RASA2: variants seen among roughly 807,000 people sequenced by gnomAD.
RASA2 encodes ras GTPase-activating protein 2.
A neutral mutation model predicts 118.2 loss-of-function variants in RASA2; 155 were observed. The observed-to-expected ratio is 1.31, with a 90% confidence interval of 1.15 to 1.50. The LOEUF (loss-of-function observed/expected upper bound fraction) is 1.50, where lower values mean the gene tolerates loss of function less well. Among genes scored for constraint, RASA2 ranks in the 40% most tolerant of loss-of-function variants. The pLI, the probability that RASA2 is intolerant of heterozygous loss-of-function variation, is 0.00. For missense variants in RASA2, 1,016 were observed against 1,009.6 expected (o/e 1.01, Z -0.09); for synonymous variants, 353 against 349.1 (o/e 1.01, Z -0.12).
At chr3:141,552,168 T>C (rs993337458) in intron 5 of RASA2, among the ~76,000 whole-genome samples, 10 of 152,214 alleles carry the variant, frequency 6.6e-5, no homozygotes, top group Admixed American at 6.5e-4. Flanking sequence ...GGTATTCTTA[T>C]CGTTTCATAA....
At chr3:141,578,475 G>C (rs766851791) in intron 15 of RASA2, 11 of 152,204 alleles carry the variant, frequency 7.2e-5, no homozygotes, top group Non-Finnish European at 1.5e-4. Flanking sequence ...GTTAAACCAG[G>C]TTCTGAATAC....
At chr3:141,595,185 A>C (rs932326811) in intron 19 of RASA2, among the ~76,000 whole-genome samples, 1 of 152,200 alleles carries the variant, frequency 6.6e-6, no homozygotes, top group Non-Finnish European at 1.5e-5. Flanking sequence ...TGAGGAAGGG[A>C]AGAACAGAGG....
chr3:141,511,185 G>A (rs1041391359), intron 1 of RASA2, among the ~76,000 whole-genome samples: 2 of 152,130 alleles, frequency 1.3e-5, no homozygotes, highest in African/African-American at 4.8e-5. Flanking sequence ...GTAGACTGGG[G>A]AAAGGGCACA....
At chr3:141,606,049 G>A (rs1560065879) in intron 19 of RASA2, among the ~76,000 whole-genome samples, 1 of 152,138 alleles carries the variant, frequency 6.6e-6, no homozygotes, top group African/African-American at 2.4e-5. Context: ...AATGGGGAGG[G>A]CCTGATTGAC....
At chr3:141,506,691 T>G (rs2081872187) in intron 1 of RASA2, among the ~76,000 whole-genome samples, 1 of 150,288 alleles carries the variant, frequency 6.7e-6, no homozygotes, top group South Asian at 2.1e-4. Flanking sequence ...GGCAGGCAGA[T>G]CTCTTGAACC....
chr3:141,538,971 A>G (rs1324567791), intron 4 of RASA2, among the ~76,000 whole-genome samples: 1 of 152,208 alleles, frequency 6.6e-6, no homozygotes, highest in Non-Finnish European at 1.5e-5. Context: ...ACATTTCCTG[A>G]GAGACAGTTG....
At chr3:141,561,623 A>G (rs1293146166) in intron 9 of RASA2, among the ~76,000 whole-genome samples, 4 of 152,246 alleles carry the variant, frequency 2.6e-5, no homozygotes, top group Non-Finnish European at 5.9e-5. Flanking sequence ...TTGTAGAGCC[A>G]TAGCATCCCC....
intron 1 of RASA2, among the ~76,000 whole-genome samples, chr3:141,501,137 G>A: frequency 6.6e-6 from 1 of 152,136 alleles, no homozygotes; most frequent in Admixed American, 6.6e-5. Context: ...TAAATTTGGT[G>A]CAGGCCAAAC....
chr3:141,570,987 A>G lies in RASA2; in HGVS notation c.939A>G (p.Ile313Met), dbSNP rs757789272. 4.3e-6 allele frequency: 7 copies of G among 1,612,778 alleles called. No individual in the cohort carries two copies. Among genetic ancestry groups the G allele is most frequent in the East Asian group, 2.2e-5 (1 of 44,758 alleles). Residue 313 changes from isoleucine (I) to methionine (M), a missense_variant, in exon 10 of 24, where the codon ATA (isoleucine) becomes ATG (methionine). Ile to Met is a conservative substitution (Grantham distance 10). This residue lies in a region of RASA2 where 896 missense variants were observed against 836.4 expected (regional missense o/e 1.07). Transcript: ENST00000286364. ...ACCTGGGGTCTCTTCGATTAAATATATGTTATACAGAAGACTACGTGCTTC... is the reference window on the plus strand; with the variant it reads ...ACCTGGGGTCTCTTCGATTAAATATGTGTTATACAGAAGACTACGTGCTTC... ...TDDLGSLRLNICYTEDYVLPS... is the reference protein window; with the variant it reads ...TDDLGSLRLNMCYTEDYVLPS...
At chr3:141,576,448 G>C (rs774618721) in intron 14 of RASA2, among the ~76,000 whole-genome samples, 1 of 152,176 alleles carries the variant, frequency 6.6e-6, no homozygotes, top group East Asian at 1.9e-4. Context: ...AGTCTGAAAC[G>C]AAAGTTGTAG....
intron 4 of RASA2, among the ~76,000 whole-genome samples, chr3:141,537,310 T>A (rs1405067508): frequency 6.6e-6 from 1 of 152,210 alleles, no homozygotes; most frequent in Non-Finnish European, 1.5e-5. Flanking sequence ...TATTTTCTAC[T>A]GACCTGTCTC....
intron 3 of RASA2, 69 bp from the exon 4 acceptor site, chr3:141,529,639 A>C: frequency 9.5e-7 from 1 of 1,047,262 alleles, no homozygotes; most frequent in Admixed American, 2.2e-5. Context: ...TATTATATAA[A>C]ACAGTGCTAA....
At chr3:141,596,085 T>A (rs1342740205) in intron 19 of RASA2, among the ~76,000 whole-genome samples, 1 of 152,210 alleles carries the variant, frequency 6.6e-6, no homozygotes, top group African/African-American at 2.4e-5. Context: ...TCTTTTGAAA[T>A]GTGCATTGGA....
At chr3:141,490,156 T>G (rs2151065442) in intron 1 of RASA2, among the ~76,000 whole-genome samples, 1 of 152,078 alleles carries the variant, frequency 6.6e-6, no homozygotes, top group South Asian at 2.1e-4. Flanking sequence ...AATTGTCTGC[T>G]TCCTTAAACT....
chr3:141,547,651 G>A (rs6776003), intron 5 of RASA2, among the ~76,000 whole-genome samples: 81,519 of 151,946 alleles, frequency 0.54, 24,417 homozygotes, highest in African/African-American at 0.83. Flanking sequence ...GAACAAGGAT[G>A]ATTTTACTTC....
chr3:141,578,302 C>T (rs773305319), intron 15 of RASA2, among the ~76,000 whole-genome samples: 9 of 152,176 alleles, frequency 5.9e-5, no homozygotes, highest in Non-Finnish European at 1.2e-4. Context: ...TGAGCTTAAT[C>T]CTATCCCTTC....
intron 19 of RASA2, among the ~76,000 whole-genome samples, chr3:141,605,636 T>C (rs909424726): frequency 2.0e-5 from 3 of 152,132 alleles, no homozygotes; most frequent in African/African-American, 7.2e-5. Context: ...TGTAAATTAG[T>C]ACCCAAAGAC....
intron 1 of RASA2, among the ~76,000 whole-genome samples, chr3:141,496,124 G>A (rs949775786): frequency 4.6e-5 from 7 of 152,204 alleles, no homozygotes; most frequent in Non-Finnish European, 1.0e-4. Flanking sequence ...TGTGTAGAAA[G>A]CTGAAACTGG....
intron 19 of RASA2, among the ~76,000 whole-genome samples, chr3:141,596,154 A>G (rs1043774642): frequency 3.9e-5 from 6 of 152,218 alleles, no homozygotes; most frequent in Non-Finnish European, 5.9e-5. Flanking sequence ...ATATCAAAAG[A>G]TTGACTTTTT....
Sources: allele counts gnomAD v4.1 joint callset (sites outside exome capture counted in the v4.1 genomes callset), GRCh38; gene constraint gnomAD v4.1.1; regional missense constraint gnomAD v4.1.1; transcripts MANE v1.5; gene names NCBI Gene and HGNC (gene_info 2026-07-23, HGNC 2026-07-21).